The following PRDM16 variants were observed in gnomAD, a reference collection of about 807,000 sequenced individuals.
PRDM16 encodes the protein histone-lysine N-methyltransferase PRDM16.
A neutral mutation model predicts 110.6 loss-of-function variants in PRDM16; 23 were observed. That is an observed-to-expected ratio of 0.21 (90% confidence interval 0.15 to 0.29). The LOEUF is 0.29. PRDM16 is among the 10% of genes least tolerant of loss of function. The pLI is 1.00. For missense variants in PRDM16, 1,615 were observed against 1,794.3 expected (o/e 0.90, Z 1.81); for synonymous variants, 799 against 781.8 (o/e 1.02, Z -0.37).
chr1:3,405,203 G>A lies in PRDM16; in HGVS notation c.1033-292G>A, dbSNP rs539475822. On this transcript the variant is annotated intron_variant, in intron 7 of 16. Coordinates refer to ENST00000270722, the MANE Select transcript of PRDM16 (RefSeq NM_022114.4). The stretch of plus-strand genomic sequence containing the variant: ...TGAGCCGAGCCTCCACCCCGAGCCC[G>A]CCAGGGTCTCAGCACCACAGCTGAA... 5.9e-5 allele frequency among the ~76,000 whole-genome samples: 9 copies of A among 152,308 alleles called. No individual in the cohort carries two copies. In the East Asian group the frequency reaches 1.4e-3, roughly 23 times the overall value.
At chr1:3,404,961 C>G in intron 7 of PRDM16, 75 bp downstream of exon 7, 1 of 1,503,308 alleles carries the variant, frequency 6.7e-7, no homozygotes. Context: ...CCCGTGCTCC[C>G]TACACCCCCT....
At chr1:3,205,037 C>T (rs764032381) in intron 2 of PRDM16, among the ~76,000 whole-genome samples, 8 of 152,062 alleles carry the variant, frequency 5.3e-5, no homozygotes, top group South Asian at 2.1e-4. Flanking sequence ...GGGTATAATG[C>T]GGCCTAAATG....
At chr1:3,110,023 G>A (rs976520164) in intron 1 of PRDM16, among the ~76,000 whole-genome samples, 11 of 149,020 alleles carry the variant, frequency 7.4e-5, no homozygotes, top group African/African-American at 1.7e-4. Context: ...CAGTGTCTGC[G>A]GCTCCCCCAT....
At chr1:3,179,368 C>T (rs1644125138) in intron 1 of PRDM16, among the ~76,000 whole-genome samples, 1 of 152,248 alleles carries the variant, frequency 6.6e-6, no homozygotes, top group African/African-American at 2.4e-5. Flanking sequence ...CCCTCAGCCC[C>T]TCACTGGGGG....
intron 2 of PRDM16, among the ~76,000 whole-genome samples, chr1:3,193,918 C>T (rs867502535): frequency 9.2e-5 from 14 of 152,130 alleles, no homozygotes; most frequent in South Asian, 6.2e-4. Context: ...GGGCTGGGGC[C>T]AGGGAGGGTG....
intron 9 of PRDM16, among the ~76,000 whole-genome samples, chr1:3,414,070 G>A (rs746377623): frequency 2.6e-5 from 4 of 152,212 alleles, no homozygotes; most frequent in Non-Finnish European, 4.4e-5. Flanking sequence ...AGGAGCGGAG[G>A]AGGCCTTGAG....
chr1:3,429,847 C>T (rs1379675083), intron 14 of PRDM16, among the ~76,000 whole-genome samples: 5 of 152,276 alleles, frequency 3.3e-5, no homozygotes, highest in Admixed American at 2.6e-4. Context: ...CCCGTGCACA[C>T]AGGCGAGTCC....
rs1438045049 is a variant in PRDM16, at chr1:3,437,353, A to C, written c.*3542A>C. 4.3e-6 allele frequency: 1 copy of C among 232,630 alleles called. No individual in the cohort carries two copies. 14.4% of individuals were successfully genotyped at this position (232,630 alleles called of 1,614,324 possible). On this transcript the variant is annotated 3_prime_UTR_variant, in exon 17 of 17. Transcript: ENST00000270722. ...GAGCGTCTGCAAAACACTTGCCTGA[A>C]TACATATCACGTATTTTAGACTCGA...
In PRDM16 at chr1:3,436,320, C is replaced by G. The variant is rs760108398; in HGVS notation, c.*2509C>G. ...GAGAGCCGCCCTTACCGTTGGTCTC[C>G]GGATCCCCCAGTCCCATCCCGCCGT... On this transcript the variant is annotated 3_prime_UTR_variant, in exon 17 of 17. Transcript: ENST00000270722. 1 of 231,074 alleles carries G rather than the reference C, an allele frequency of 4.3e-6. No homozygotes were observed. The highest frequency in any genetic ancestry group is 8.6e-6 in the Non-Finnish European group (1 of 116,786). 14.3% of individuals were successfully genotyped at this position (231,074 alleles called of 1,614,324 possible). A position where few individuals can be genotyped will look rare whatever the true frequency, so the allele number is the denominator to read the frequency against.
At chr1:3,149,516 A>G (rs1174346384) in intron 1 of PRDM16, among the ~76,000 whole-genome samples, 2 of 152,168 alleles carry the variant, frequency 1.3e-5, no homozygotes. Context: ...ACAAGGGTGC[A>G]TACCTGTGTA....
chr1:3,381,818 C>T (rs1257402387), intron 3 of PRDM16, among the ~76,000 whole-genome samples: 8 of 152,206 alleles, frequency 5.3e-5, no homozygotes, highest in East Asian at 3.8e-4. Context: ...CCAAAAGAGA[C>T]GCATGCTGAG....
rs557502486 is a variant in PRDM16 at position 3,359,903 on chromosome 1, G to A, written c.439-25249G>A. On this transcript the variant is annotated intron_variant, in intron 3 of 16. Transcript: ENST00000270722. This position sits in a 1 kb window ranked among gnomAD's most constrained non-coding sequence, Gnocchi z 4.3. ...CAGGATCTCTTGGAAGACGGATGCCGTGTGCACGCAAAGACGGCAGCCAGC... is the reference window on the plus strand; with the variant it reads ...CAGGATCTCTTGGAAGACGGATGCCATGTGCACGCAAAGACGGCAGCCAGC... 1.3e-5 allele frequency among the ~76,000 whole-genome samples: 2 copies of A among 152,338 alleles called. No individual in the cohort carries two copies. The highest frequency in any genetic ancestry group is 6.5e-5 in the Admixed American group (1 of 15,312).
chr1:3,307,708 T>C (rs1356154848), intron 3 of PRDM16: 1 of 152,194 alleles, frequency 6.6e-6, no homozygotes, highest in Non-Finnish European at 1.5e-5. Flanking sequence ...CTCCATGAGC[T>C]TACCCCTTAA....
chr1:3,325,967 T>C (rs7521865), intron 3 of PRDM16, among the ~76,000 whole-genome samples: 77,344 of 138,670 alleles, frequency 0.56, 22,239 homozygotes, highest in African/African-American at 0.74. Context: ...CGATCCTTGG[T>C]CCTCCTTGGC....
At chr1:3,431,867 G>GC in intron 15 of PRDM16, 99 bp from the exon 16 acceptor site, 1 of 1,190,790 alleles carries the variant, frequency 8.4e-7, no homozygotes, top group Non-Finnish European at 1.2e-6. Context: ...AGATGCAGCG[G>GC]CGTGCATGCA....
At chr1:3,329,659 C>T (rs1642001620) in intron 3 of PRDM16, among the ~76,000 whole-genome samples, 2 of 152,208 alleles carry the variant, frequency 1.3e-5, no homozygotes, top group Admixed American at 1.3e-4. Context: ...GGCGAGCCTT[C>T]ACACCCCTCT....
At chr1:3,377,161 A>G (rs1222676352) in intron 3 of PRDM16, among the ~76,000 whole-genome samples, 1 of 152,224 alleles carries the variant, frequency 6.6e-6, no homozygotes, top group African/African-American at 2.4e-5. Context: ...GAAGGGGGTC[A>G]GGGTAAGGAG....
chr1:3,379,207 C>G (rs1254695718), intron 3 of PRDM16, among the ~76,000 whole-genome samples: 1 of 96,472 alleles, frequency 1.0e-5, no homozygotes, highest in African/African-American at 4.3e-5. Context: ...TCCCAGCACA[C>G]CTCTCCCAGC....
chr1:3,082,523 G>A (rs1031194511), intron 1 of PRDM16, among the ~76,000 whole-genome samples: 19 of 152,218 alleles, frequency 1.2e-4, no homozygotes, highest in African/African-American at 2.4e-4. Flanking sequence ...ATGGGGTTCC[G>A]GGGAAACCTC....
Sources: allele counts gnomAD v4.1 joint callset (sites outside exome capture counted in the v4.1 genomes callset), GRCh38; gene constraint gnomAD v4.1.1; non-coding constraint Gnocchi (gnomAD v3.1); transcripts MANE v1.5; gene names NCBI Gene and HGNC (gene_info 2026-07-23, HGNC 2026-07-21).